The following RPL3L variants were observed in gnomAD, a reference collection of about 807,000 sequenced individuals.
RPL3L encodes ribosomal protein L3 like.
A neutral mutation model predicts 44.5 loss-of-function variants in RPL3L; 44 were observed. That is an observed-to-expected ratio of 0.99 (90% confidence interval 0.78 to 1.27). The LOEUF is 1.27. Among genes scored for constraint, RPL3L ranks in the 50% most tolerant of loss-of-function variants. The pLI is 0.00. For synonymous variants in RPL3L, 292 were observed against 230.7 expected (o/e 1.27, Z -2.41); for missense variants, 631 against 569.1 (o/e 1.11, Z -1.11).
rs757187905 is a variant in RPL3L at position 1,947,054 on chromosome 16, G to A, written c.733C>T (p.His245Tyr). 5.6e-6 allele frequency: 9 copies of A among 1,613,342 alleles called. No individual in the cohort carries two copies. Among genetic ancestry groups the A allele is most frequent in the Admixed American group, 5.0e-5 (3 of 59,986 alleles). Reference sequence around the variant, plus strand: ...CAGGCCACCTTGCGCAGGCCCTTATGGGTCTTCCGCGGCAGCTTCTTGGTA... The same window carrying A: ...CAGGCCACCTTGCGCAGGCCCTTATAGGTCTTCCGCGGCAGCTTCTTGGTA... ...WHTKKLPRKT[H>Y]KGLRKVACIG... The change falls in exon 6 of 10, where the codon CAT (histidine) becomes TAT (tyrosine). Residue 245 changes from histidine to tyrosine, a missense_variant. Physicochemically the swap from His to Tyr is moderately conservative, Grantham distance 83. Coordinates refer to ENST00000268661, the MANE Select transcript of RPL3L (RefSeq NM_005061.3).
rs538119619 is a variant in RPL3L, at chr16:1,946,863, C to A, written c.849+75G>T. On this transcript the variant is annotated intron_variant, in intron 6 of 9. Coordinates refer to ENST00000268661, the MANE Select transcript of RPL3L (RefSeq NM_005061.3). ...TCCCCGGCAGTGTCTGGGTCATGCA[C>A]CCCACCCACTGAGGCCAGTACTGAG... The A allele has an allele frequency of 3.2e-5, 50 of 1,560,182 alleles. No homozygotes were observed. The East Asian group carries it at 1.1e-3, about 33-fold the overall frequency.
chr16:1,954,015 A>G lies in RPL3L; in HGVS notation c.137T>C (p.Phe46Ser). Residue 46 changes from phenylalanine (F) to serine (S), a missense_variant, in exon 2 of 10, where the codon TTC (phenylalanine) becomes TCC (serine). Transcript: ENST00000268661. ...GGTCATGCCCGCCTTGTAGCCCAGG[A>G]AGGCCGTGAGGTGCACGGGCTGGCT... ...DPSQPVHLTA[F>S]LGYKAGMTHT... The G allele has an allele frequency of 6.2e-7, 1 of 1,601,342 alleles. No individual in the cohort carries two copies. The highest frequency in any genetic ancestry group is 1.1e-5 in the South Asian group (1 of 89,640).
chr16:1,950,169 T>C (rs75673717), intron 4 of RPL3L, among the ~76,000 whole-genome samples: 32,977 of 68,098 alleles, frequency 0.48, 6,806 homozygotes, highest in East Asian at 0.77. Context: ...TGGGTATGTA[T>C]GGGGTGGGTA....
At position 1,944,756 on chromosome 16, in the gene RPL3L, C is replaced by A. The variant is rs1184380135; in HGVS notation, c.*81G>T. The A allele has an allele frequency of 3.1e-6, 5 of 1,593,922 alleles. No individual in the cohort carries two copies. The highest frequency in any genetic ancestry group is 1.1e-5 in the South Asian group (1 of 90,766). ...GGTTACACAGCGCTCTGAGACCTCGCAGGAAGAGTCGCCTCCGGCCTTTGT... is the reference window on the plus strand; with the variant it reads ...GGTTACACAGCGCTCTGAGACCTCGAAGGAAGAGTCGCCTCCGGCCTTTGT... On this transcript the variant is annotated 3_prime_UTR_variant, in exon 10 of 10. Transcript: ENST00000268661.
intron 6 of RPL3L, 21 bp downstream of exon 6, chr16:1,946,917 G>C (rs376756280): frequency 1.5e-5 from 24 of 1,588,786 alleles, no homozygotes; most frequent in East Asian, 1.1e-4. Flanking sequence ...CAGTGTCCCC[G>C]TACCCCGGCT....
intron 2 of RPL3L, 45 bp from the exon 3 acceptor site, chr16:1,953,087 G>A (rs1218892333): frequency 1.3e-6 from 2 of 1,547,164 alleles, no homozygotes; most frequent in Non-Finnish European, 1.7e-6. Context: ...ACCTCCTGAG[G>A]CCTGTGGGGG....
intron 4 of RPL3L, 94 bp downstream of exon 4, chr16:1,950,750 T>G (rs962467416): frequency 3.2e-4 from 505 of 1,579,948 alleles, no homozygotes; most frequent in Admixed American, 2.3e-3. Context: ...GAGGCTCGGG[T>G]ATTTTTAGGC....
chr16:1,945,060 G>A (rs1436783359), intron 9 of RPL3L, among the ~76,000 whole-genome samples, 167 bp from the exon 10 acceptor site: 1 of 151,870 alleles, frequency 6.6e-6, no homozygotes, highest in East Asian at 1.9e-4. Context: ...AGACCCTTAA[G>A]AGTCTCTCCT....
intron 4 of RPL3L, among the ~76,000 whole-genome samples, chr16:1,949,264 T>TG (rs59504541): frequency 8.5e-6 from 1 of 117,654 alleles, no homozygotes; most frequent in East Asian, 2.6e-4. Flanking sequence ...TTTTTCTTTT[T>TG]TTTTTTTTTT....
chr16:1,949,238 ATTTTTGTTTTTTTTTTTTTTCTTTT>A (rs1298093979), intron 4 of RPL3L, among the ~76,000 whole-genome samples: 10 of 80,102 alleles, frequency 1.2e-4, no homozygotes, highest in African/African-American at 4.4e-4. Flanking sequence ...ACTGGGCCTG[ATTTTTGTTTTTTTTTTTTTTCTTTT>A]TTTTTTTTTT....
In RPL3L at chr16:1,954,142, G is replaced by T; in HGVS notation, c.10C>A (p.Arg4=). The change falls in exon 2 of 10, where the codon CGG becomes AGG. Residue 4 remains arginine (R), a synonymous_variant. Coordinates refer to ENST00000268661, the MANE Select transcript of RPL3L (RefSeq NM_005061.3). ...CCGTGCCGAGGGGCGGAAAACTTCC[G>T]GTGGGACTGGGGGGCAGGAAGGAAG... The part of the protein sequence containing the change: MSH[R]KFSAPRHGHL... 1 of 1,580,272 alleles carries T rather than the reference G, an allele frequency of 6.3e-7. No homozygotes were observed. The highest frequency in any genetic ancestry group is 8.6e-7 in the Non-Finnish European group (1 of 1,162,738).
rs142842559 is a variant in RPL3L, at chr16:1,945,913, G to A, written c.969C>T (p.Tyr323=). The change falls in exon 8 of 10, where the codon TAC becomes TAT. Residue 323 remains tyrosine (Y), a synonymous_variant. Transcript: ENST00000268661. Reference sequence around the variant, plus strand: ...TGACGAAGTCGTTGTTCACTTCCCCGTAGTGGGGGAAGCCACCCTGCAGAG... The same window carrying A: ...TGACGAAGTCGTTGTTCACTTCCCCATAGTGGGGGAAGCCACCCTGCAGAG... The part of the protein sequence containing the change: ...SITPLGGFPH[Y]GEVNNDFVML... 1.9e-4 allele frequency: 312 copies of A among 1,612,294 alleles called. No homozygotes were observed. The African/African-American group carries it at 2.3e-3, about 12-fold the overall frequency.
At chr16:1,951,753 T>A (rs1019551776) in intron 3 of RPL3L, among the ~76,000 whole-genome samples, 3 of 147,798 alleles carry the variant, frequency 2.0e-5, no homozygotes, top group African/African-American at 7.4e-5. Flanking sequence ...TTATTATTAT[T>A]ATTATTATTA....
At chr16:1,949,244 G>GTTTTTTTGTTTTTTCTTTTTT (rs2083149813) in intron 4 of RPL3L, among the ~76,000 whole-genome samples, 1 of 81,960 alleles carries the variant, frequency 1.2e-5, no homozygotes. Context: ...CCTGATTTTT[G>GTTTTTTTGTTTTTTCTTTTTT]TTTTTTTTTT....
Position 1,953,006 on chromosome 16 carries a change from A to G in RPL3L, c.233T>C (p.Ile78Thr). The part of the protein sequence containing the change: ...SKREEVEAVT[I>T]VETPPLVVVG... ...CACCACTAGGGGCGGCGTTTCTACA[A>G]TTGTCACCGCCTCCACCTCCTCCCG... is the stretch of plus-strand genomic sequence containing the variant. The change falls in exon 3 of 10, where the codon ATT becomes ACT. Residue 78 changes from isoleucine to threonine, a missense_variant. Transcript: ENST00000268661. The G allele has an allele frequency of 6.2e-7, 1 of 1,608,988 alleles. No homozygotes were observed. The highest frequency in any genetic ancestry group is 8.5e-7 in the Non-Finnish European group (1 of 1,177,734).
intron 9 of RPL3L, among the ~76,000 whole-genome samples, chr16:1,945,110 C>T (rs891869112): frequency 4.6e-5 from 7 of 152,090 alleles, no homozygotes; most frequent in Admixed American, 1.3e-4. Flanking sequence ...AATCCCAGCA[C>T]TTTGGGAGGC....
intron 4 of RPL3L, among the ~76,000 whole-genome samples, chr16:1,949,627 G>A (rs1291819912): frequency 1.3e-5 from 2 of 148,938 alleles, no homozygotes; most frequent in Non-Finnish European, 3.0e-5. Flanking sequence ...ATGTAGAGGT[G>A]GAGACAGAGA....
intron 8 of RPL3L, 93 bp from the exon 9 acceptor site, chr16:1,945,711 C>G: frequency 6.2e-7 from 1 of 1,604,264 alleles, no homozygotes; most frequent in Non-Finnish European, 8.5e-7. Flanking sequence ...TCTTGCTCAC[C>G]TAGTTCCTAC....
In RPL3L at chr16:1,950,833, C is replaced by T. The variant is rs757295700; in HGVS notation, c.501+11G>A. The T allele has an allele frequency of 8.7e-6, 14 of 1,613,810 alleles. No homozygotes were observed. The highest frequency in any genetic ancestry group is 6.7e-5 in the East Asian group (3 of 44,892). On this transcript the variant is annotated intron_variant, in intron 4 of 9. Transcript: ENST00000268661. ...TAGGGACTGACCGACAGCGGAGGGC[C>T]GGGGGCTGACCTGAGTGTGGACAAT...
Sources: gnomAD v4.1 joint callset for allele counts (sites outside exome capture counted in the v4.1 genomes callset) on GRCh38, gnomAD v4.1.1 for gene constraint, MANE v1.5 for transcripts, NCBI Gene and HGNC (gene_info 2026-07-23, HGNC 2026-07-21) for gene names.